Variants in DHX57 observed in about 807,000 individuals in gnomAD.
The protein encoded by DHX57 is DExH-box helicase 57.
A neutral mutation model predicts 156.2 loss-of-function variants in DHX57; 105 were observed. The ratio of observed to expected loss-of-function variants is 0.67; its 90% CI spans 0.57 to 0.79. The LOEUF is 0.79. Ranked by LOEUF, DHX57 falls within the 30% of genes least tolerant of loss-of-function variation. The pLI is 0.00. For missense variants in DHX57, 1,847 were observed against 1,661.9 expected, an observed-to-expected ratio of 1.11 and a Z score of -1.94; for synonymous variants, 704 against 595.6, an observed-to-expected ratio of 1.18 and a Z score of -2.65.
chr2:38,812,148 T>G (rs952864383), intron 21 of DHX57, among the ~76,000 whole-genome samples: 1 of 152,198 alleles, frequency 6.6e-6, no homozygotes, highest in Non-Finnish European at 1.5e-5. Flanking sequence ...CTTGTACCCT[T>G]CACCCAGCTT....
At chr2:38,811,013 T>G in intron 21 of DHX57, 1 of 712,318 alleles carries the variant, frequency 1.4e-6, no homozygotes, top group Non-Finnish European at 2.5e-6. Flanking sequence ...CTTGAAAATG[T>G]TGGGGGTGTT....
chr2:38,866,184 TCCAAAGGC>T (rs1355138906), intron 2 of DHX57, among the ~76,000 whole-genome samples: 1 of 152,140 alleles, frequency 6.6e-6, no homozygotes, highest in Non-Finnish European at 1.5e-5. Flanking sequence ...CCTCAAACCC[TCCAAAGGC>T]CTTCTGTCTT....
At chr2:38,859,987 A>G (rs960838992) in intron 5 of DHX57, among the ~76,000 whole-genome samples, 4 of 151,816 alleles carry the variant, frequency 2.6e-5, no homozygotes, top group Non-Finnish European at 5.9e-5. Context: ...AGCTAAGAAA[A>G]TATATATATT....
intron 23 of DHX57, among the ~76,000 whole-genome samples, chr2:38,802,329 C>G (rs1423521984): frequency 6.6e-6 from 1 of 150,742 alleles, no homozygotes; most frequent in Non-Finnish European, 1.5e-5. Context: ...GCTCTGTTGC[C>G]GAGGCTGGAG....
intron 21 of DHX57, among the ~76,000 whole-genome samples, chr2:38,813,010 G>A (rs1670350646): frequency 6.6e-6 from 1 of 151,976 alleles, no homozygotes; most frequent in African/African-American, 2.4e-5. Flanking sequence ...ACCACACCCA[G>A]CTAATTTTTG....
intron 21 of DHX57, among the ~76,000 whole-genome samples, chr2:38,813,607 C>G (rs927440091): frequency 6.6e-5 from 10 of 152,086 alleles, no homozygotes; most frequent in Non-Finnish European, 1.5e-4. Flanking sequence ...CTCCTGACCT[C>G]GTGATCCGCC....
At position 38,862,301 on chromosome 2, in the gene DHX57, T is replaced by C; in HGVS notation, c.416A>G (p.Glu139Gly). Residue 139 changes from glutamate (E) to glycine (G), a missense_variant, in exon 4 of 24, where the codon GAG (glutamate) becomes GGG (glycine). Coordinates refer to ENST00000457308, the MANE Select transcript of DHX57 (RefSeq NM_198963.3). ...CCGCTCATCGTTACAGCAATCAGGC[T>C]CATCATCTTCCTCCTCCCCAGAAAG... ...RGLSGEEEDD[E>G]PDCCNDERYW... The C allele has an allele frequency of 6.3e-7, 1 of 1,598,914 alleles. No individual in the cohort carries two copies. Among genetic ancestry groups the C allele is most frequent in the Non-Finnish European group, 8.5e-7 (1 of 1,169,900 alleles).
chr2:38,848,496 A>G, intron 9 of DHX57, 94 bp from the exon 10 acceptor site: 1 of 1,298,832 alleles, frequency 7.7e-7, no homozygotes, highest in South Asian at 1.7e-5. Context: ...AATGTGTAAG[A>G]TCTCTGTGAA....
At position 38,801,087 on chromosome 2, in the gene DHX57, A is replaced by C. The variant is rs966012825; in HGVS notation, c.4017+1628T>G. 6.6e-5 allele frequency among the ~76,000 whole-genome samples: 10 copies of C among 152,304 alleles called. No individual in the cohort carries two copies. The East Asian group carries it at 1.3e-3, about 21-fold the overall frequency. The stretch of plus-strand genomic sequence containing the variant: ...AAATGTGGCTACTAGAACAATTAAA[A>C]TTACATATGTGGGTCACATTATATT... On this transcript the variant is annotated intron_variant, in intron 23 of 23. Transcript: ENST00000457308.
At position 38,843,308 on chromosome 2, in the gene DHX57, C is replaced by T. The variant is rs79773827; in HGVS notation, c.2220-98G>A. On this transcript the variant is annotated intron_variant, in intron 11 of 23. Coordinates refer to ENST00000457308, the MANE Select transcript of DHX57 (RefSeq NM_198963.3). The stretch of plus-strand genomic sequence containing the variant: ...CACGTGCTCGTTCAGCAAAATGTCA[C>T]TGTCTGCCCAATTCACATGCCATCC... 4.6e-4 allele frequency: 578 copies of T among 1,243,016 alleles called. 2 individuals carry two copies. The African/African-American group carries it at 7.0e-3, about 15-fold the overall frequency. The allele number at this position is 1,243,016 out of a possible 1,614,324, so 77.0% of individuals were successfully genotyped here. A position where few individuals can be genotyped will look rare whatever the true frequency, so the allele number is the denominator to read the frequency against.
chr2:38,848,461 A>G, intron 9 of DHX57, 59 bp from the exon 10 acceptor site: 1 of 1,522,490 alleles, frequency 6.6e-7, no homozygotes, highest in Non-Finnish European at 8.8e-7. Flanking sequence ...GAAAATTAGT[A>G]ACTTTTACTA....
At chr2:38,851,100 T>C (rs1672568285) in intron 9 of DHX57, among the ~76,000 whole-genome samples, 1 of 151,998 alleles carries the variant, frequency 6.6e-6, no homozygotes, top group Non-Finnish European at 1.5e-5. Context: ...ATTCATTAAC[T>C]CATGCTATCA....
At chr2:38,837,972 A>G in intron 12 of DHX57, 25 bp from the exon 13 acceptor site, 2 of 1,420,412 alleles carry the variant, frequency 1.4e-6, no homozygotes, top group Non-Finnish European at 2.0e-6. Flanking sequence ...GGTAAAAATG[A>G]GAAGGATATT....
intron 2 of DHX57, among the ~76,000 whole-genome samples, chr2:38,865,556 A>C (rs936103707): frequency 3.3e-5 from 5 of 152,220 alleles, no homozygotes; most frequent in Admixed American, 6.5e-5. Flanking sequence ...GGACTAATAC[A>C]GGGGTACATG....
chr2:38,861,099 C>T lies in DHX57; in HGVS notation c.1311G>A (p.Val437=). The change falls in exon 5 of 24, where the codon GTG becomes GTA. Residue 437 remains valine (V), a synonymous_variant. Coordinates refer to ENST00000457308, the MANE Select transcript of DHX57 (RefSeq NM_198963.3). The part of the protein sequence containing the change: ...NTHHKYSDPP[V]NFLPVPSRTR... ...TCCTAGAGGGTACTGGCAGAAAGTT[C>T]ACAGGAGGGTCACTATACTTGTGGT... 1 of 1,614,206 alleles carries T rather than the reference C, an allele frequency of 6.2e-7. No homozygotes were observed. Among genetic ancestry groups the T allele is most frequent in the South Asian group, 1.1e-5 (1 of 91,080 alleles).
chr2:38,854,250 T>C, intron 8 of DHX57, 72 bp from the exon 9 acceptor site: 4 of 1,486,122 alleles, frequency 2.7e-6, no homozygotes, highest in Non-Finnish European at 3.7e-6. Context: ...GGAAAGCCAT[T>C]TTGAATGGAT....
chr2:38,857,689 C>A (rs1461038685), intron 6 of DHX57, among the ~76,000 whole-genome samples: 1 of 152,198 alleles, frequency 6.6e-6, no homozygotes, highest in East Asian at 1.9e-4. Context: ...CTATCTCTAA[C>A]TTTGCCCTCA....
chr2:38,811,567 C>A, intron 21 of DHX57: 3 of 1,319,946 alleles, frequency 2.3e-6, no homozygotes, highest in Middle Eastern at 2.7e-4. Context: ...GCAATAATGT[C>A]ATAGCCTTGT....
intron 11 of DHX57, among the ~76,000 whole-genome samples, chr2:38,845,463 G>A (rs1010429711): frequency 6.6e-6 from 1 of 152,056 alleles, no homozygotes; most frequent in Non-Finnish European, 1.5e-5. Context: ...TAGGAGGGGG[G>A]CTTATTAGAG....
Sources: allele counts gnomAD v4.1 joint callset (sites outside exome capture counted in the v4.1 genomes callset), GRCh38; gene constraint gnomAD v4.1.1; transcripts MANE v1.5; gene names NCBI Gene and HGNC (gene_info 2026-07-23, HGNC 2026-07-21).